L3MBTL4: variants seen among roughly 807,000 people sequenced by gnomAD.
The protein encoded by L3MBTL4 is L3MBTL histone methyl-lysine binding protein 4.
A neutral mutation model predicts 84.5 loss-of-function variants in L3MBTL4; 70 were observed. That is an observed-to-expected ratio of 0.83 (90% CI 0.68 to 1.01). The LOEUF (loss-of-function observed/expected upper bound fraction) is 1.01. L3MBTL4 is among the 50% of genes least tolerant of loss of function. L3MBTL4 has a pLI of 0.00. For synonymous variants in L3MBTL4, 274 were observed against 259.8 expected, an observed-to-expected ratio of 1.05 and a Z score of -0.52; for missense variants, 715 against 754.8, an observed-to-expected ratio of 0.95 and a Z score of 0.62.
intron 14 of L3MBTL4, among the ~76,000 whole-genome samples, chr18:6,099,804 G>T (rs1476888311): frequency 2.6e-5 from 4 of 151,190 alleles, no homozygotes; most frequent in Admixed American, 1.3e-4. Flanking sequence ...AAGTATAAAT[G>T]CTTTTTAAAG....
chr18:6,138,898 A>C (rs902898773), intron 13 of L3MBTL4, among the ~76,000 whole-genome samples: 4 of 152,212 alleles, frequency 2.6e-5, no homozygotes, highest in Non-Finnish European at 5.9e-5. Context: ...ATAATGGCAA[A>C]GACAATACAG....
chr18:6,249,177 C>T (rs1187253690), intron 5 of L3MBTL4, among the ~76,000 whole-genome samples: 1 of 152,026 alleles, frequency 6.6e-6, no homozygotes, highest in Non-Finnish European at 1.5e-5. Flanking sequence ...TTCAAAAGTG[C>T]CATACACATA....
chr18:5,954,934 TC>T lies in L3MBTL4; in HGVS notation c.*1285del. The T allele has an allele frequency of 6.6e-6, 1 of 152,220 alleles. No individual in the cohort carries two copies. Among genetic ancestry groups the T allele is most frequent in the African/African-American group, 2.4e-5 (1 of 41,530 alleles). 9.4% of individuals were successfully genotyped at this position (152,220 alleles called of 1,614,324 possible). On this transcript the variant is annotated 3_prime_UTR_variant, in exon 19 of 19. Transcript: ENST00000317931. ...ACCTCTTAGAGTTTGTTTATTTTCT[TC>T]AGTGAAAAAAAAATGTAAAGCTTGA...
At chr18:6,213,418 T>C (rs75568551) in intron 11 of L3MBTL4, among the ~76,000 whole-genome samples, 159 bp from the exon 12 acceptor site, 1 of 152,342 alleles carries the variant, frequency 6.6e-6, no homozygotes, top group South Asian at 2.1e-4. Context: ...TTTTTGTTTT[T>C]GTTTGTTTTT....
At chr18:6,381,511 T>A (rs774586098) in intron 1 of L3MBTL4, among the ~76,000 whole-genome samples, 1 of 152,256 alleles carries the variant, frequency 6.6e-6, no homozygotes, top group South Asian at 2.1e-4. Flanking sequence ...TCAGGAGCTC[T>A]TGCCAGGCAG....
chr18:6,287,501 C>G (rs1377911794), intron 4 of L3MBTL4, among the ~76,000 whole-genome samples: 5 of 152,170 alleles, frequency 3.3e-5, no homozygotes, highest in Admixed American at 3.3e-4. Flanking sequence ...TTCTGGCATA[C>G]TATACAAGCA....
intron 14 of L3MBTL4, among the ~76,000 whole-genome samples, chr18:6,122,294 A>G (rs1354073194): frequency 3.3e-5 from 5 of 152,124 alleles, no homozygotes; most frequent in African/African-American, 9.7e-5. Context: ...ATTTTGCCCA[A>G]TTGTCTGCAC....
intron 3 of L3MBTL4, among the ~76,000 whole-genome samples, chr18:6,308,310 G>A (rs537711941): frequency 2.6e-5 from 4 of 152,292 alleles, no homozygotes; most frequent in African/African-American, 7.2e-5. Context: ...CCAAGGAAAA[G>A]AGGCACTCTC....
chr18:6,332,689 A>T (rs1431401505), intron 1 of L3MBTL4, among the ~76,000 whole-genome samples: 1 of 152,224 alleles, frequency 6.6e-6, no homozygotes, highest in Non-Finnish European at 1.5e-5. Context: ...AAGACAATGC[A>T]GAGGAAGGTG....
At chr18:6,119,776 AG>A (rs1449203893) in intron 14 of L3MBTL4, among the ~76,000 whole-genome samples, 1 of 152,182 alleles carries the variant, frequency 6.6e-6, no homozygotes, top group Non-Finnish European at 1.5e-5. Context: ...TCTCTCTGCA[AG>A]ACCTGTTGTC....
At chr18:6,302,550 G>A (rs2050388434) in intron 3 of L3MBTL4, among the ~76,000 whole-genome samples, 1 of 152,214 alleles carries the variant, frequency 6.6e-6, no homozygotes, top group Non-Finnish European at 1.5e-5. Context: ...AACTCTTGAA[G>A]GAACATTTAC....
chr18:6,302,816 C>T (rs1284625677), intron 3 of L3MBTL4, among the ~76,000 whole-genome samples: 1 of 152,022 alleles, frequency 6.6e-6, no homozygotes, highest in Non-Finnish European at 1.5e-5. Context: ...AAATCCGTCT[C>T]TACTAAAAAT....
intron 15 of L3MBTL4, among the ~76,000 whole-genome samples, chr18:6,092,651 T>TA (rs2143639888): frequency 6.6e-6 from 1 of 152,332 alleles, no homozygotes; most frequent in South Asian, 2.1e-4. Context: ...GTTATTTACT[T>TA]AGTGTTAGAC....
chr18:6,032,740 A>G (rs1021588531), intron 16 of L3MBTL4, among the ~76,000 whole-genome samples: 2 of 151,716 alleles, frequency 1.3e-5, no homozygotes, highest in Non-Finnish European at 2.9e-5. Flanking sequence ...GGCAAGCCCC[A>G]CTCTACTTTC....
intron 12 of L3MBTL4, among the ~76,000 whole-genome samples, chr18:6,181,778 T>C (rs2044483401): frequency 6.6e-6 from 1 of 152,204 alleles, no homozygotes; most frequent in African/African-American, 2.4e-5. Flanking sequence ...TTTCGGTTTC[T>C]ATATTAGTTC....
At chr18:6,098,321 G>A (rs1321209795) in intron 14 of L3MBTL4, among the ~76,000 whole-genome samples, 1 of 152,158 alleles carries the variant, frequency 6.6e-6, no homozygotes, top group Non-Finnish European at 1.5e-5. Flanking sequence ...AGGGGGCCCT[G>A]GGGCACCAGA....
At chr18:6,412,665 T>C (rs1200332287) in intron 1 of L3MBTL4, among the ~76,000 whole-genome samples, 3 of 152,100 alleles carry the variant, frequency 2.0e-5, no homozygotes, top group Admixed American at 6.6e-5. Context: ...TGCTCAGCAG[T>C]TGTCTGCTCA....
At chr18:6,121,607 C>A (rs2059529313) in intron 14 of L3MBTL4, among the ~76,000 whole-genome samples, 1 of 151,550 alleles carries the variant, frequency 6.6e-6, no homozygotes, top group South Asian at 2.1e-4. Context: ...GCCCTACACA[C>A]CAAAGGGGAA....
intron 16 of L3MBTL4, among the ~76,000 whole-genome samples, chr18:5,980,972 C>T (rs1258113723): frequency 1.3e-5 from 2 of 152,202 alleles, no homozygotes; most frequent in Non-Finnish European, 2.9e-5. Flanking sequence ...GCTGGCTGTG[C>T]TGCTTGGGGA....
Sources: gnomAD v4.1 joint callset for allele counts (sites outside exome capture counted in the v4.1 genomes callset) on GRCh38, gnomAD v4.1.1 for gene constraint, MANE v1.5 for transcripts, NCBI Gene and HGNC (gene_info 2026-07-23, HGNC 2026-07-21) for gene names.